PSD3: variants seen among roughly 807,000 people sequenced by gnomAD.
The protein encoded by PSD3 is PH and SEC7 domain-containing protein 3.
Under a neutral mutation model 105.5 loss-of-function variants are expected in PSD3, and 49 were observed. The ratio of observed to expected loss-of-function variants is 0.46; its 90% confidence interval spans 0.37 to 0.59. The LOEUF (loss-of-function observed/expected upper bound fraction) is 0.59. Ranked by LOEUF, PSD3 falls within the 20% of genes least tolerant of loss-of-function variation. The probability of loss-of-function intolerance (pLI) is 0.00; values close to 1 mark genes in which losing one functional copy is unlikely to be tolerated. For synonymous variants in PSD3, 557 were observed against 457.8 expected, an observed-to-expected ratio of 1.22 and a Z score of -2.77; for missense variants, 1,561 against 1,263.8, an observed-to-expected ratio of 1.24 and a Z score of -3.57.
At chr8:19,024,838 C>T (rs1016942526) in intron 1 of PSD3, among the ~76,000 whole-genome samples, 4 of 152,100 alleles carry the variant, frequency 2.6e-5, no homozygotes, top group African/African-American at 9.7e-5. Flanking sequence ...CCTGAAGCAT[C>T]CCCAGTCCCC....
intron 1 of PSD3, among the ~76,000 whole-genome samples, chr8:18,944,683 T>C (rs1457873364): frequency 6.6e-6 from 1 of 152,162 alleles, no homozygotes; most frequent in Non-Finnish European, 1.5e-5. Flanking sequence ...GAAAGGCACT[T>C]AGGAACTATG....
chr8:18,996,143 C>T (rs1826069401), intron 1 of PSD3, among the ~76,000 whole-genome samples: 1 of 151,218 alleles, frequency 6.6e-6, no homozygotes, highest in Non-Finnish European at 1.5e-5. Flanking sequence ...CCATCTGTTG[C>T]CCTGTGGTTG....
At chr8:18,735,399 A>G (rs1039567039) in intron 9 of PSD3, among the ~76,000 whole-genome samples, 38 of 152,342 alleles carry the variant, frequency 2.5e-4, no homozygotes, top group African/African-American at 8.9e-4. Context: ...TCAGAGTAAT[A>G]CACTGAATGG....
rs1811614185 is a variant in PSD3, at chr8:18,810,681, G to T, written c.1635-5783C>A. ...GGGTTGTACATAGAAAATAATAACAGCCACCTAGTCGAGTTGAATTTTATA... is the reference window on the plus strand; with the variant it reads ...GGGTTGTACATAGAAAATAATAACATCCACCTAGTCGAGTTGAATTTTATA... On this transcript the variant is annotated intron_variant, in intron 4 of 15. Transcript: ENST00000327040. Among the ~76,000 whole-genome samples, 3 of 152,142 alleles carry T rather than the reference G, an allele frequency of 2.0e-5. No homozygotes were observed. The South Asian group carries it at 6.2e-4, about 32-fold the overall frequency.
intron 12 of PSD3, among the ~76,000 whole-genome samples, chr8:18,593,193 A>C (rs1803740881): frequency 6.6e-6 from 1 of 152,192 alleles, no homozygotes; most frequent in Non-Finnish European, 1.5e-5. Flanking sequence ...CGCAACCTAC[A>C]GAATGGGAGA....
At chr8:18,658,971 C>T (rs1173371774) in intron 9 of PSD3, among the ~76,000 whole-genome samples, 2 of 152,152 alleles carry the variant, frequency 1.3e-5, no homozygotes, top group Non-Finnish European at 2.9e-5. Flanking sequence ...TCAATAGTAA[C>T]AACAACAAAC....
chr8:18,955,099 G>A (rs11779179), intron 1 of PSD3, among the ~76,000 whole-genome samples: 28,451 of 152,118 alleles, frequency 0.19, 2,990 homozygotes, highest in Non-Finnish European at 0.24. Context: ...TTTATTTCTT[G>A]CTCAGATGTT....
chr8:18,535,736 A>G lies in PSD3; in HGVS notation c.*7T>C, dbSNP rs369966839. On this transcript the variant is annotated 3_prime_UTR_variant, in exon 16 of 16. Coordinates refer to ENST00000327040, the MANE Select transcript of PSD3 (RefSeq NM_015310.4). Reference sequence around the variant, plus strand: ...CATGACCAGCACTTCCTGGCCGCAGATGGACTCTAAGTAACTTTTTGCTTA... The same window carrying G: ...CATGACCAGCACTTCCTGGCCGCAGGTGGACTCTAAGTAACTTTTTGCTTA... The G allele has an allele frequency of 1.0e-5, 16 of 1,598,936 alleles. No homozygotes were observed. In the South Asian group the frequency reaches 1.3e-4, roughly 13 times the overall value.
chr8:18,982,185 A>C lies in PSD3; in HGVS notation c.21+31378T>G, dbSNP rs568261658. On this transcript the variant is annotated intron_variant, in intron 1 of 15. Transcript: ENST00000327040. ...TCTCAAGAAACCACTTTGTTTGTTC[A>C]TTCATAAGAAGCTACTCCTCATCCA... Among the ~76,000 whole-genome samples, 15 of 152,332 alleles carry C rather than the reference A, an allele frequency of 9.8e-5. 1 individual carries two copies. In the South Asian group the frequency reaches 2.7e-3, roughly 27 times the overall value.
chr8:19,051,050 A>G (rs1828510768), intron 1 of PSD3, among the ~76,000 whole-genome samples: 1 of 152,092 alleles, frequency 6.6e-6, no homozygotes, highest in Non-Finnish European at 1.5e-5. Flanking sequence ...TGCTCTTCCA[A>G]CATCCTCAGA....
chr8:18,929,813 C>A (rs114435152), intron 2 of PSD3, among the ~76,000 whole-genome samples: 253 of 149,414 alleles, frequency 1.7e-3, no homozygotes, highest in African/African-American at 6.1e-3. Context: ...AGAAGATAAT[C>A]TCAGGGGGAA....
At chr8:18,769,829 C>G (rs997875890) in intron 8 of PSD3, among the ~76,000 whole-genome samples, 2 of 152,154 alleles carry the variant, frequency 1.3e-5, no homozygotes, top group African/African-American at 2.4e-5. Flanking sequence ...CCTTTTATTT[C>G]TAAACAACAT....
At chr8:19,063,000 A>G (rs1478459976) in intron 1 of PSD3, among the ~76,000 whole-genome samples, 3 of 152,204 alleles carry the variant, frequency 2.0e-5, no homozygotes, top group African/African-American at 7.2e-5. Context: ...AAAAGAAGAA[A>G]TTAATTAGAA....
intron 11 of PSD3, among the ~76,000 whole-genome samples, chr8:18,613,240 C>G (rs372945702): frequency 1.3e-5 from 2 of 152,102 alleles, no homozygotes; most frequent in South Asian, 4.1e-4. Context: ...GACTGCCGGT[C>G]CGGATGAAGC....
intron 9 of PSD3, among the ~76,000 whole-genome samples, chr8:18,755,340 G>C (rs1397979570): frequency 1.3e-5 from 2 of 152,072 alleles, no homozygotes; most frequent in African/African-American, 4.8e-5. Flanking sequence ...TGAAGCAGGA[G>C]AATCGCCTGA....
chr8:18,829,712 A>G (rs1016018964), intron 4 of PSD3, among the ~76,000 whole-genome samples: 5 of 152,140 alleles, frequency 3.3e-5, no homozygotes, highest in Non-Finnish European at 7.4e-5. Context: ...TGACTTCACA[A>G]TCTCGTAGCA....
intron 1 of PSD3, among the ~76,000 whole-genome samples, chr8:18,995,424 A>T (rs150441479): frequency 6.6e-6 from 1 of 152,096 alleles, no homozygotes. Context: ...TGCTACAACA[A>T]TATATTGTTG....
chr8:18,695,539 A>G (rs1323455063), intron 9 of PSD3, among the ~76,000 whole-genome samples: 2 of 152,194 alleles, frequency 1.3e-5, no homozygotes, highest in Non-Finnish European at 2.9e-5. Flanking sequence ...GTAATAACTG[A>G]CACATACGAA....
intron 1 of PSD3, among the ~76,000 whole-genome samples, chr8:18,954,205 T>C (rs774368469): frequency 3.3e-5 from 5 of 151,834 alleles, no homozygotes; most frequent in African/African-American, 4.8e-5. Context: ...CACATAAACA[T>C]GCATAGAAAA....
Sources: allele counts gnomAD v4.1 joint callset (sites outside exome capture counted in the v4.1 genomes callset), GRCh38; gene constraint gnomAD v4.1.1; transcripts MANE v1.5; gene names NCBI Gene and HGNC (gene_info 2026-07-23, HGNC 2026-07-21).